The following GHR variants were observed in gnomAD, a reference collection of about 807,000 sequenced individuals.
The protein encoded by GHR is GH receptor.
GHR carries 35 observed loss-of-function variants against 67.1 expected under a neutral mutation model. The ratio of observed to expected loss-of-function variants is 0.52; its 90% CI spans 0.40 to 0.69. The LOEUF (loss-of-function observed/expected upper bound fraction) is 0.69. Ranked by LOEUF, GHR falls within the 30% of genes least tolerant of loss-of-function variation. The pLI, the probability that GHR is intolerant of heterozygous loss-of-function variation, is 0.00. For synonymous variants in GHR, 272 were observed against 269.1 expected, an observed-to-expected ratio of 1.01 and a Z score of -0.10; for missense variants, 792 against 764.6, an observed-to-expected ratio of 1.04 and a Z score of -0.42.
At chr5:42,474,364 T>C (rs1222530835) in intron 1 of GHR, among the ~76,000 whole-genome samples, 1 of 89,346 alleles carries the variant, frequency 1.1e-5, no homozygotes, top group East Asian at 4.2e-4. Context: ...GAAAGCAAAG[T>C]GTCTGTCTGC....
chr5:42,509,164 G>A (rs1200065691), intron 1 of GHR, among the ~76,000 whole-genome samples: 1 of 152,124 alleles, frequency 6.6e-6, no homozygotes, highest in Non-Finnish European at 1.5e-5. Context: ...TTCCAACCCA[G>A]ATTTAATCCT....
At chr5:42,647,701 A>T (rs1438315589) in intron 3 of GHR, 2 of 444,968 alleles carry the variant, frequency 4.5e-6, no homozygotes, top group Non-Finnish European at 4.5e-6. Context: ...ACCAACTTGA[A>T]GGAAGCATGA....
At chr5:42,478,465 T>A (rs569160159) in intron 1 of GHR, among the ~76,000 whole-genome samples, 1 of 152,292 alleles carries the variant, frequency 6.6e-6, no homozygotes, top group South Asian at 2.1e-4. Flanking sequence ...ATCTATAAAT[T>A]ACCTTGGGCA....
chr5:42,711,292 G>A lies in GHR; in HGVS notation c.704G>A (p.Arg235Gln), dbSNP rs796632643. Residue 235 changes from arginine (R) to glutamine (Q), a missense_variant, in exon 7 of 10, where the codon CGA (arginine) becomes CAA (glutamine). By Grantham distance (43) the Arg-to-Gln change is conservative. Transcript: ENST00000230882. ...GAAGTGCGTGTGAGATCCAAACAAC[G>A]AAACTCTGGAAATTATGGCGAGTTC... The part of the protein sequence containing the change: ...EYEVRVRSKQ[R>Q]NSGNYGEFSE... 2.0e-5 allele frequency: 32 copies of A among 1,612,698 alleles called. No homozygotes were observed. The highest frequency in any genetic ancestry group is 1.0e-4 in the Admixed American group (6 of 59,980).
chr5:42,709,224 C>T (rs1031960248), intron 6 of GHR, among the ~76,000 whole-genome samples: 1 of 152,162 alleles, frequency 6.6e-6, no homozygotes, highest in Admixed American at 6.5e-5. Flanking sequence ...ACCTCCACCT[C>T]CAGAGTTCAA....
At chr5:42,619,290 A>G (rs1017600119) in intron 2 of GHR, among the ~76,000 whole-genome samples, 16 of 151,666 alleles carry the variant, frequency 1.1e-4, no homozygotes, top group African/African-American at 3.9e-4. Context: ...AAATCCTTCT[A>G]TTCTTCTCTC....
chr5:42,583,331 T>C (rs538773970), intron 2 of GHR, among the ~76,000 whole-genome samples: 2 of 152,124 alleles, frequency 1.3e-5, no homozygotes, highest in African/African-American at 4.8e-5. Context: ...ACTCAAGATC[T>C]TACCTTTTCC....
At chr5:42,503,245 T>C (rs1161868490) in intron 1 of GHR, among the ~76,000 whole-genome samples, 2 of 152,218 alleles carry the variant, frequency 1.3e-5, no homozygotes, top group Non-Finnish European at 2.9e-5. Flanking sequence ...GAAATGCCTT[T>C]GACCTTGTTT....
intron 1 of GHR, among the ~76,000 whole-genome samples, chr5:42,505,737 G>T (rs528799508): frequency 6.6e-6 from 1 of 152,282 alleles, no homozygotes; most frequent in South Asian, 2.1e-4. Context: ...TTGCTGTGAT[G>T]ACTTGATAAT....
At chr5:42,428,132 ACT>A (rs1021323036) in intron 1 of GHR, among the ~76,000 whole-genome samples, 6 of 152,110 alleles carry the variant, frequency 3.9e-5, no homozygotes, top group African/African-American at 1.4e-4. Flanking sequence ...CTGCAGGACA[ACT>A]CTGCCTGGAC....
chr5:42,649,148 T>G (rs1754892197), intron 3 of GHR, among the ~76,000 whole-genome samples: 1 of 152,332 alleles, frequency 6.6e-6, no homozygotes, highest in Admixed American at 6.5e-5. Flanking sequence ...GTGGGATTTT[T>G]GGACAAGCTT....
chr5:42,554,407 T>C (rs1749200112), intron 1 of GHR, among the ~76,000 whole-genome samples: 1 of 152,138 alleles, frequency 6.6e-6, no homozygotes, highest in Non-Finnish European at 1.5e-5. Flanking sequence ...ATGTACAAAG[T>C]GAGTGTTGAG....
chr5:42,506,829 C>T (rs1746799231), intron 1 of GHR, among the ~76,000 whole-genome samples: 1 of 152,100 alleles, frequency 6.6e-6, no homozygotes, highest in Admixed American at 6.6e-5. Context: ...CTTTCAAAAT[C>T]CTGAAAGTCT....
chr5:42,673,601 A>T (rs2112911799), intron 3 of GHR, among the ~76,000 whole-genome samples: 1 of 152,338 alleles, frequency 6.6e-6, no homozygotes, highest in African/African-American at 2.4e-5. Flanking sequence ...ATAAAAAAGA[A>T]TGAAATCATG....
intron 2 of GHR, among the ~76,000 whole-genome samples, chr5:42,576,865 G>T (rs1750775587): frequency 6.6e-6 from 1 of 152,138 alleles, no homozygotes; most frequent in South Asian, 2.1e-4. Flanking sequence ...TTCTGATGCT[G>T]GGAGTGATTT....
intron 1 of GHR, among the ~76,000 whole-genome samples, chr5:42,426,333 G>A (rs1298522532): frequency 6.6e-6 from 1 of 152,320 alleles, no homozygotes; most frequent in Non-Finnish European, 1.5e-5. Context: ...GGTGAGCAAT[G>A]TTAATGTAAA....
chr5:42,477,165 G>A (rs1308700311), intron 1 of GHR, among the ~76,000 whole-genome samples: 1 of 151,666 alleles, frequency 6.6e-6, no homozygotes, highest in Admixed American at 6.6e-5. Context: ...ACTTTGCTGA[G>A]AATGATGGTT....
intron 3 of GHR, among the ~76,000 whole-genome samples, chr5:42,660,433 C>A (rs1157309050): frequency 3.9e-5 from 6 of 152,210 alleles, no homozygotes; most frequent in Non-Finnish European, 7.3e-5. Flanking sequence ...AACGATCAGG[C>A]AGCAGCATTC....
chr5:42,665,302 G>A (rs1453596945), intron 3 of GHR, among the ~76,000 whole-genome samples: 2 of 152,154 alleles, frequency 1.3e-5, no homozygotes, highest in African/African-American at 2.4e-5. Context: ...TGCACACTAT[G>A]TTTATTGCGG....
Sources: allele counts gnomAD v4.1 joint callset (sites outside exome capture counted in the v4.1 genomes callset), GRCh38; gene constraint gnomAD v4.1.1; transcripts MANE v1.5; gene names NCBI Gene and HGNC (gene_info 2026-07-23, HGNC 2026-07-21).